Variants in BMPR2 observed in about 807,000 individuals in gnomAD.
The protein encoded by BMPR2 is bone morphogenetic protein receptor type-2.
In BMPR2, 29 loss-of-function variants were observed where a neutral mutation model predicts 100.8. The ratio of observed to expected loss-of-function variants is 0.29; its 90% CI spans 0.21 to 0.39. The LOEUF (loss-of-function observed/expected upper bound fraction) is 0.39. Among genes scored for constraint, BMPR2 ranks in the 10% least tolerant of loss-of-function variants. The probability of loss-of-function intolerance (pLI) is 1.00; values close to 1 mark genes in which losing one functional copy is unlikely to be tolerated. For missense variants in BMPR2, 1,011 were observed against 1,274.5 expected (o/e 0.79, Z 3.15); for synonymous variants, 382 against 442.3 (o/e 0.86, Z 1.71).
Position 202,489,949 on chromosome 2 carries a change from T to G in BMPR2, c.418+22260T>G, listed in dbSNP as rs149485766. On this transcript the variant is annotated intron_variant, in intron 3 of 12. Transcript: ENST00000374580. The stretch of plus-strand genomic sequence containing the variant: ...AAGCATTTATTCTCATAATCATAGG[T>G]TTGTAGAACAGCTGGATTTTGGCTG... Among the ~76,000 whole-genome samples, 12 of 152,252 alleles carry G rather than the reference T, an allele frequency of 7.9e-5. No individual in the cohort carries two copies. The East Asian group carries it at 2.3e-3, about 29-fold the overall frequency.
chr2:202,436,693 A>G (rs1691622375), intron 1 of BMPR2, among the ~76,000 whole-genome samples: 1 of 150,390 alleles, frequency 6.6e-6, no homozygotes, highest in African/African-American at 2.5e-5. Context: ...TTTGACTTCT[A>G]GTTCTTTCCA....
rs1205661348 is a variant in BMPR2, at chr2:202,563,398, C to T, written c.*3452C>T. 1.3e-5 allele frequency: 2 copies of T among 152,116 alleles called. No homozygotes were observed. Among genetic ancestry groups the T allele is most frequent in the East Asian group, 3.8e-4 (2 of 5,200 alleles). 9.4% of individuals were successfully genotyped at this position (152,116 alleles called of 1,614,324 possible). ...GTTGCAGTGAGCTGAGATCGCGCCA[C>T]TGCACTGCAGCCTAGGCGACAGAGC... On this transcript the variant is annotated 3_prime_UTR_variant, in exon 13 of 13. Transcript: ENST00000374580.
In BMPR2 at chr2:202,376,975, G is replaced by A. The variant is rs1473000196; in HGVS notation, c.-500G>A. 3 of 444,236 alleles carry A rather than the reference G, an allele frequency of 6.8e-6. No individual in the cohort carries two copies. Among genetic ancestry groups the A allele is most frequent in the Non-Finnish European group, 1.2e-5 (3 of 253,864 alleles). The allele number at this position is 444,236 out of a possible 1,614,324, so 27.5% of individuals were successfully genotyped here. ...GAAACTTAAGGAATCCTGCCTTCCC[G>A]GAGCCGCGGGCGATGCGACTAGGGC... On this transcript the variant is annotated 5_prime_UTR_variant, in exon 1 of 13. Transcript: ENST00000374580.
intron 3 of BMPR2, among the ~76,000 whole-genome samples, chr2:202,485,950 G>A (rs561360335): frequency 5.9e-5 from 9 of 152,112 alleles, no homozygotes; most frequent in African/African-American, 2.2e-4. Flanking sequence ...AGTGCCTAGG[G>A]TGAGGGCAAG....
chr2:202,555,583 C>A lies in BMPR2; in HGVS notation c.1918C>A (p.Leu640Met), dbSNP rs995103204. The A allele has an allele frequency of 6.2e-7, 1 of 1,614,018 alleles. No individual in the cohort carries two copies. Among genetic ancestry groups the A allele is most frequent in the Non-Finnish European group, 8.5e-7 (1 of 1,180,042 alleles). ...GATGCCATACCCAGATGAAACAAAT[C>A]TGCATACCACAAATGTTGCACAGTC... The part of the protein sequence containing the change: ...SEMPYPDETN[L>M]HTTNVAQSIG... Residue 640 changes from leucine (L) to methionine (M), a missense_variant, in exon 12 of 13, where the codon CTG (leucine) becomes ATG (methionine). Coordinates refer to ENST00000374580, the MANE Select transcript of BMPR2 (RefSeq NM_001204.7).
chr2:202,377,572 G>A, intron 1 of BMPR2, 22 bp downstream of exon 1: 1 of 1,613,530 alleles, frequency 6.2e-7, no homozygotes, highest in Non-Finnish European at 8.5e-7. Flanking sequence ...CGGCCGGCAC[G>A]TCCCGGCCAC....
chr2:202,417,115 C>T (rs1429713617), intron 1 of BMPR2, among the ~76,000 whole-genome samples: 3 of 151,968 alleles, frequency 2.0e-5, no homozygotes, highest in Non-Finnish European at 2.9e-5. Context: ...GGATTACAGG[C>T]GTGAGCCGTG....
intron 1 of BMPR2, among the ~76,000 whole-genome samples, chr2:202,436,235 C>T (rs1691611098): frequency 6.6e-6 from 1 of 150,602 alleles, no homozygotes; most frequent in Non-Finnish European, 1.5e-5. Context: ...GGGTGAATCC[C>T]TTGAGCCCAG....
At chr2:202,492,635 G>A (rs1692925921) in intron 3 of BMPR2, among the ~76,000 whole-genome samples, 1 of 147,174 alleles carries the variant, frequency 6.8e-6, no homozygotes, top group African/African-American at 2.5e-5. Context: ...AGGAGGCAGA[G>A]GTTGCAGTAA....
intron 3 of BMPR2, among the ~76,000 whole-genome samples, chr2:202,472,578 G>A (rs1692457098): frequency 6.6e-6 from 1 of 152,214 alleles, no homozygotes; most frequent in African/African-American, 2.4e-5. Flanking sequence ...AGAATCACTT[G>A]AACCCAGGAA....
chr2:202,397,450 G>A (rs1427532418), intron 1 of BMPR2, among the ~76,000 whole-genome samples: 2 of 151,480 alleles, frequency 1.3e-5, no homozygotes, highest in Admixed American at 6.6e-5. Context: ...TCAATATTTT[G>A]TGACTGGATA....
At chr2:202,405,760 T>G (rs1383894985) in intron 1 of BMPR2, among the ~76,000 whole-genome samples, 1 of 152,080 alleles carries the variant, frequency 6.6e-6, no homozygotes, top group South Asian at 2.1e-4. Context: ...CCTTTTTTCT[T>G]TCTTTGTAGT....
chr2:202,396,740 G>A (rs573041472), intron 1 of BMPR2, among the ~76,000 whole-genome samples: 2 of 152,256 alleles, frequency 1.3e-5, no homozygotes, highest in Admixed American at 1.3e-4. Context: ...TACAGATACA[G>A]CAACAATGTA....
intron 1 of BMPR2, among the ~76,000 whole-genome samples, chr2:202,421,854 A>G (rs1238835592): frequency 6.6e-6 from 1 of 152,140 alleles, no homozygotes; most frequent in Non-Finnish European, 1.5e-5. Flanking sequence ...TACTCAAGAA[A>G]TTGATAGGTA....
At chr2:202,468,527 C>T in intron 3 of BMPR2, among the ~76,000 whole-genome samples, 1 of 152,162 alleles carries the variant, frequency 6.6e-6, no homozygotes. Flanking sequence ...TTGGTTAAGA[C>T]AACTACATGT....
At chr2:202,407,968 G>A (rs185903993) in intron 1 of BMPR2, among the ~76,000 whole-genome samples, 2,912 of 151,626 alleles carry the variant, frequency 0.019, 42 homozygotes, top group Non-Finnish European at 0.031. Context: ...CGAGTAGCTG[G>A]GACTACAGGT....
chr2:202,546,476 T>A lies in BMPR2; in HGVS notation c.1413+4029T>A, dbSNP rs79374876. On this transcript the variant is annotated intron_variant, in intron 10 of 12. Coordinates refer to ENST00000374580, the MANE Select transcript of BMPR2 (RefSeq NM_001204.7). ...TAGAAAATAGTCTAAAGGAAATACA[T>A]GAAAATGTTAAACCATAGTTATCTC... Among the ~76,000 whole-genome samples the A allele has an allele frequency of 6.3e-3, 960 of 152,332 alleles. 13 individuals are homozygous for A. The highest frequency in any genetic ancestry group is 0.022 in the African/African-American group (896 of 41,572).
chr2:202,421,983 A>G (rs1559033319), intron 1 of BMPR2, among the ~76,000 whole-genome samples: 2 of 152,092 alleles, frequency 1.3e-5, no homozygotes. Flanking sequence ...ATCTCGGCTC[A>G]GTGCAACCTC....
At chr2:202,401,588 C>G (rs1278930218) in intron 1 of BMPR2, among the ~76,000 whole-genome samples, 1 of 152,110 alleles carries the variant, frequency 6.6e-6, no homozygotes, top group Non-Finnish European at 1.5e-5. Context: ...TAGTCTTTTA[C>G]TTGGTATAAG....
Sources: allele counts gnomAD v4.1 joint callset (sites outside exome capture counted in the v4.1 genomes callset), GRCh38; gene constraint gnomAD v4.1.1; transcripts MANE v1.5; gene names NCBI Gene and HGNC (gene_info 2026-07-23, HGNC 2026-07-21).